LNPEP: variants seen among roughly 807,000 people sequenced by gnomAD.
LNPEP encodes leucyl-cystinyl aminopeptidase.
A neutral mutation model predicts 120.6 loss-of-function variants in LNPEP; 64 were observed. The ratio of observed to expected loss-of-function variants is 0.53; its 90% CI spans 0.43 to 0.65. The LOEUF is 0.65. LNPEP is among the 30% of genes least tolerant of loss of function. LNPEP has a pLI of 0.00. For synonymous variants in LNPEP, 435 were observed against 425.4 expected (o/e 1.02, Z -0.28); for missense variants, 1,057 against 1,200.0 (o/e 0.88, Z 1.76).
intron 1 of LNPEP, among the ~76,000 whole-genome samples, chr5:96,963,121 C>T (rs1460340909): frequency 6.6e-6 from 1 of 152,102 alleles, no homozygotes; most frequent in African/African-American, 2.4e-5. Flanking sequence ...CATGTGTTCC[C>T]ATTTCAAAGA....
intron 4 of LNPEP, among the ~76,000 whole-genome samples, chr5:96,992,396 C>T (rs577590756): frequency 2.0e-5 from 3 of 152,154 alleles, no homozygotes; most frequent in African/African-American, 4.8e-5. Flanking sequence ...GTTAGCTGTC[C>T]GCAGCATTGG....
intron 13 of LNPEP, among the ~76,000 whole-genome samples, chr5:97,019,657 G>T (rs1412844289): frequency 2.6e-5 from 4 of 152,152 alleles, no homozygotes; most frequent in Non-Finnish European, 5.9e-5. Flanking sequence ...AGGACTTCAA[G>T]TGCCATTCTT....
chr5:97,019,228 C>T lies in LNPEP; in HGVS notation c.2377-3072C>T, dbSNP rs535499843. Among the ~76,000 whole-genome samples the T allele has an allele frequency of 2.6e-5, 4 of 152,240 alleles. No individual in the cohort carries two copies. The East Asian group carries it at 7.7e-4, about 29-fold the overall frequency. ...TAACCCATCAATTTATTTCCTCTCT[C>T]CACTTGCCATTTCACTTTGTAAAAT... On this transcript the variant is annotated intron_variant, in intron 13 of 17. Transcript: ENST00000231368.
At chr5:96,953,144 T>G (rs528808003) in intron 1 of LNPEP, among the ~76,000 whole-genome samples, 96 of 121,512 alleles carry the variant, frequency 7.9e-4, no homozygotes, top group Non-Finnish European at 1.6e-3. Flanking sequence ...CTGGAACAGA[T>G]GGTTAATCTA....
chr5:97,017,195 T>C (rs1370895268), intron 13 of LNPEP, among the ~76,000 whole-genome samples: 1 of 152,170 alleles, frequency 6.6e-6, no homozygotes, highest in East Asian at 1.9e-4. Context: ...ATAGTGGTAC[T>C]GCAATTTTGA....
At chr5:97,016,353 C>T (rs1203401388) in intron 13 of LNPEP, among the ~76,000 whole-genome samples, 2 of 152,080 alleles carry the variant, frequency 1.3e-5, no homozygotes, top group African/African-American at 4.8e-5. Flanking sequence ...CATTTGAGTG[C>T]TTTTACACAC....
At chr5:96,997,903 A>AT in intron 7 of LNPEP, 111 bp from the exon 8 acceptor site, 1 of 732,816 alleles carries the variant, frequency 1.4e-6, no homozygotes, top group Non-Finnish European at 2.1e-6. Flanking sequence ...GACACTGGTC[A>AT]TTTTTTCCTA....
intron 2 of LNPEP, among the ~76,000 whole-genome samples, chr5:96,983,554 T>C (rs1001010762): frequency 9.9e-5 from 15 of 152,190 alleles, no homozygotes; most frequent in Non-Finnish European, 2.2e-4. Context: ...CAAGCGATTC[T>C]CCTGCCTCTG....
chr5:97,028,586 G>A lies in LNPEP; in HGVS notation c.*53G>A. The A allele has an allele frequency of 6.3e-7, 1 of 1,591,488 alleles. No homozygotes were observed. Among genetic ancestry groups the A allele is most frequent in the Non-Finnish European group, 8.6e-7 (1 of 1,168,678 alleles). On this transcript the variant is annotated 3_prime_UTR_variant, in exon 18 of 18. Transcript: ENST00000231368. ...CCCATTCAGAGAGCTTGTAAGCTTG[G>A]GCTCTGCCGCTTTTGCAAAAGCCAA... is the stretch of plus-strand genomic sequence containing the variant.
chr5:97,021,197 G>A (rs565670229), intron 13 of LNPEP, among the ~76,000 whole-genome samples: 12 of 151,920 alleles, frequency 7.9e-5, no homozygotes, highest in Non-Finnish European at 1.0e-4. Flanking sequence ...ATGAAATATC[G>A]TATCTGTATA....
intron 15 of LNPEP, among the ~76,000 whole-genome samples, chr5:97,025,942 C>T (rs890270747): frequency 6.6e-6 from 1 of 152,080 alleles, no homozygotes; most frequent in African/African-American, 2.4e-5. Context: ...CTGCCACAGT[C>T]TTGGAGTGGG....
chr5:97,017,889 C>T (rs1390302811), intron 13 of LNPEP, among the ~76,000 whole-genome samples: 2 of 152,106 alleles, frequency 1.3e-5, no homozygotes, highest in Admixed American at 1.3e-4. Flanking sequence ...ATTCCCCTCT[C>T]CTAACTTCAA....
intron 1 of LNPEP, among the ~76,000 whole-genome samples, chr5:96,939,269 A>G (rs571597216): frequency 6.7e-6 from 1 of 148,410 alleles, no homozygotes; most frequent in South Asian, 2.1e-4. Flanking sequence ...GCTGGAGTGC[A>G]GTGGCACAAT....
rs1790429074 is a variant in LNPEP, at chr5:96,993,074, T to G, written c.1191T>G (p.Thr397=). The part of the protein sequence containing the change: ...IGQVHYALET[T]VKLLEFFQNY... ...AAGTTCATTATGCCTTGGAAACAAC[T>G]GTGAAGCTTCTTGAGTTTTTTCAAA... Residue 397 remains threonine, a synonymous_variant, in exon 5 of 18, where the codon ACT becomes ACG. Coordinates refer to ENST00000231368, the MANE Select transcript of LNPEP (RefSeq NM_005575.3). 1 of 1,598,832 alleles carries G rather than the reference T, an allele frequency of 6.3e-7. No individual in the cohort carries two copies. The highest frequency in any genetic ancestry group is 1.1e-5 in the South Asian group (1 of 89,756).
Position 96,996,381 on chromosome 5 carries a change from T to TC in LNPEP, c.1408-3dup, listed in dbSNP as rs3836862. 1 of 1,504,834 alleles carries TC rather than the reference T, an allele frequency of 6.6e-7. No homozygotes were observed. Among genetic ancestry groups the TC allele is most frequent in the Non-Finnish European group, 9.2e-7 (1 of 1,081,222 alleles). 93.2% of individuals were successfully genotyped at this position (1,504,834 alleles called of 1,614,324 possible). ...TATCCTGTGGGTTAATTGTTTTCTCTCCCCCCAGTGGTTTGGCAATCTGGT... is the reference window on the plus strand; with the variant it reads ...TATCCTGTGGGTTAATTGTTTTCTCTCCCCCCCAGTGGTTTGGCAATCTGGT... On this transcript the variant is annotated splice_polypyrimidine_tract_variant and intron_variant, in intron 6 of 17. Transcript: ENST00000231368.
At chr5:96,951,264 GC>G (rs780948296) in intron 1 of LNPEP, among the ~76,000 whole-genome samples, 45 of 150,550 alleles carry the variant, frequency 3.0e-4, no homozygotes, top group African/African-American at 7.6e-4. Flanking sequence ...TCTTTTTTTG[GC>G]GGGGGGCGCG....
chr5:97,013,615 C>G, intron 11 of LNPEP, 33 bp from the exon 12 acceptor site: 3 of 1,280,444 alleles, frequency 2.3e-6, no homozygotes, highest in Non-Finnish European at 3.1e-6. Context: ...ATTGTCTTCT[C>G]TCTCAATCTC....
intron 1 of LNPEP, among the ~76,000 whole-genome samples, chr5:96,970,753 T>C (rs577960673): frequency 2.0e-4 from 30 of 152,190 alleles, no homozygotes; most frequent in Admixed American, 1.7e-3. Context: ...GTATAGTCAG[T>C]ATTGTACCAT....
chr5:97,012,640 C>G (rs1288492003), intron 11 of LNPEP, among the ~76,000 whole-genome samples: 2 of 152,050 alleles, frequency 1.3e-5, no homozygotes, highest in Non-Finnish European at 1.5e-5. Context: ...GAAGCATACC[C>G]CATTATAATT....
Sources: allele counts gnomAD v4.1 joint callset (sites outside exome capture counted in the v4.1 genomes callset), GRCh38; gene constraint gnomAD v4.1.1; transcripts MANE v1.5; gene names NCBI Gene and HGNC (gene_info 2026-07-23, HGNC 2026-07-21).